KIF24: variants seen among roughly 807,000 people sequenced by gnomAD.
The protein encoded by KIF24 is kinesin family member 24, also known as kinesin-like protein KIF24.
Under a neutral mutation model 118.9 loss-of-function variants are expected in KIF24, and 81 were observed. The ratio of observed to expected loss-of-function variants is 0.68; its 90% CI spans 0.57 to 0.82. The LOEUF is 0.82. Ranked by LOEUF, KIF24 falls within the 40% of genes least tolerant of loss-of-function variation. KIF24 has a pLI of 0.00. For missense variants in KIF24, 1,560 were observed against 1,661.6 expected (o/e 0.94, Z 1.06); for synonymous variants, 599 against 610.0 (o/e 0.98, Z 0.27).
In KIF24 at chr9:34,269,245, T is replaced by A. The variant is rs1835408038; in HGVS notation, c.1443+12A>T. 3 of 1,514,440 alleles carry A rather than the reference T, an allele frequency of 2.0e-6. No individual in the cohort carries two copies. In the East Asian group the frequency reaches 6.9e-5, roughly 35 times the overall value. The allele number at this position is 1,514,440 out of a possible 1,614,324, so 93.8% of individuals were successfully genotyped here. On this transcript the variant is annotated intron_variant, in intron 8 of 12. Transcript: ENST00000402558. ...AGAAGGATTTTTAGATTAAAGATTT[T>A]GAACAACTTACAGCCAGTAGACTCT...
At chr9:34,308,714 G>A (rs1038316148) in intron 2 of KIF24, among the ~76,000 whole-genome samples, 4 of 152,154 alleles carry the variant, frequency 2.6e-5, no homozygotes, top group African/African-American at 7.2e-5. Flanking sequence ...AGGGCTCTAG[G>A]ATGACTCATA....
At chr9:34,333,437 G>A (rs1270144660), upstream of KIF24, among the ~76,000 whole-genome samples, 1 of 151,948 alleles carries the variant, frequency 6.6e-6, no homozygotes. Context: ...GACTAGCTTG[G>A]TCAGCATAGC....
At chr9:34,301,868 G>A (rs1216010026) in intron 3 of KIF24, among the ~76,000 whole-genome samples, 1 of 151,492 alleles carries the variant, frequency 6.6e-6, no homozygotes, top group African/African-American at 2.4e-5. Flanking sequence ...TTACAATAGA[G>A]AACAAAATAT....
intron 2 of KIF24, among the ~76,000 whole-genome samples, chr9:34,310,423 A>G (rs1482621179): frequency 6.6e-6 from 1 of 152,144 alleles, no homozygotes; most frequent in African/African-American, 2.4e-5. Context: ...GATGTACTAG[A>G]TGTATCATGT....
At chr9:34,332,999 T>A (rs1837987911), upstream of KIF24, among the ~76,000 whole-genome samples, 1 of 152,116 alleles carries the variant, frequency 6.6e-6, no homozygotes, top group Admixed American at 6.5e-5. Context: ...CACATAGAAT[T>A]GCAGTCACAT....
At chr9:34,333,142 G>A (rs186509770), upstream of KIF24, among the ~76,000 whole-genome samples, 1 of 152,288 alleles carries the variant, frequency 6.6e-6, no homozygotes, top group East Asian at 1.9e-4. Flanking sequence ...CCAGAAAAGA[G>A]CAGAGGAGGC....
At chr9:34,320,332 CAA>C (rs66835823) in intron 1 of KIF24, among the ~76,000 whole-genome samples, 51 of 106,262 alleles carry the variant, frequency 4.8e-4, no homozygotes, top group African/African-American at 5.6e-4. Context: ...AATGTTCCAA[CAA>C]AAAAAAAAAA....
intron 1 of KIF24, among the ~76,000 whole-genome samples, chr9:34,320,344 A>G (rs1837475290): frequency 6.6e-6 from 1 of 151,476 alleles, no homozygotes; most frequent in Non-Finnish European, 1.5e-5. Flanking sequence ...AAAAAAAAAA[A>G]AAAAGAAAAA....
intron 1 of KIF24, among the ~76,000 whole-genome samples, chr9:34,325,225 G>T (rs1312998994): frequency 6.6e-6 from 1 of 151,246 alleles, no homozygotes; most frequent in Non-Finnish European, 1.5e-5. Context: ...CACACCTGTG[G>T]TCCCAGCTAC....
chr9:34,320,180 C>T (rs935762940), intron 1 of KIF24, among the ~76,000 whole-genome samples: 1 of 152,090 alleles, frequency 6.6e-6, no homozygotes, highest in East Asian at 1.9e-4. Flanking sequence ...GGCTTCTGGG[C>T]AGACTCTGGT....
chr9:34,329,870 C>T (rs1338445700), upstream of KIF24, among the ~76,000 whole-genome samples: 1 of 152,150 alleles, frequency 6.6e-6, no homozygotes, highest in Non-Finnish European at 1.5e-5. Context: ...TCGTCCAAAT[C>T]CCAGAGGCGG....
At chr9:34,308,767 C>A (rs74504714) in intron 2 of KIF24, among the ~76,000 whole-genome samples, 6,982 of 152,148 alleles carry the variant, frequency 0.046, 578 homozygotes, top group African/African-American at 0.16. Flanking sequence ...AGCAAAAAGA[C>A]ATGCATGTTT....
chr9:34,318,458 A>C lies in KIF24; in HGVS notation c.-25-7087T>G. 2.7e-6 allele frequency: 2 copies of C among 743,430 alleles called. No individual in the cohort carries two copies. The highest frequency in any genetic ancestry group is 4.7e-6 in the Non-Finnish European group (2 of 421,554). The allele number at this position is 743,430 out of a possible 1,614,324, so 46.1% of individuals were successfully genotyped here. A position where few individuals can be genotyped will look rare whatever the true frequency, so the allele number is the denominator to read the frequency against. ...CTGCCTCCTGGCGGTGGCCTTGGCG[A>C]CCGAGGTGAAGAAACCTGCAGCCAC... On this transcript the variant is annotated intron_variant, in intron 1 of 12. Transcript: ENST00000402558. The surrounding 1 kb of genome is among the most constrained non-coding windows in gnomAD (Gnocchi z 4.9).
At chr9:34,276,340 TG>T (rs1443623548) in intron 6 of KIF24, among the ~76,000 whole-genome samples, 1 of 148,208 alleles carries the variant, frequency 6.7e-6, no homozygotes, top group Non-Finnish European at 1.5e-5. Context: ...AGGCGGAGGT[TG>T]CAGTGAGCTG....
chr9:34,260,021 G>A (rs1232904555), intron 9 of KIF24, among the ~76,000 whole-genome samples: 4 of 152,118 alleles, frequency 2.6e-5, no homozygotes, highest in Non-Finnish European at 4.4e-5. Context: ...ACCATGAACT[G>A]GACAAGCTTT....
At position 34,292,905 on chromosome 9, in the gene KIF24, C is replaced by T. The variant is rs566761946; in HGVS notation, c.912-2516G>A. The stretch of plus-strand genomic sequence containing the variant: ...TTTAGGGATGAGCTTTTTCAAAAAG[C>T]AACAATACAGGAGTGAAAAACCCTA... On this transcript the variant is annotated intron_variant, in intron 4 of 12. Coordinates refer to ENST00000402558, the MANE Select transcript of KIF24 (RefSeq NM_194313.4). Among the ~76,000 whole-genome samples the T allele has an allele frequency of 3.0e-3, 454 of 152,144 alleles. 1 individual carries two copies. The highest frequency in any genetic ancestry group is 4.4e-3 in the Admixed American group (67 of 15,288).
chr9:34,262,109 T>C (rs1344034911), intron 9 of KIF24, among the ~76,000 whole-genome samples: 1 of 151,964 alleles, frequency 6.6e-6, no homozygotes, highest in Admixed American at 6.6e-5. Context: ...ACCCAGTTAA[T>C]TTTTAAATTT....
chr9:34,304,609 A>C (rs1836843887), intron 3 of KIF24, among the ~76,000 whole-genome samples: 1 of 152,164 alleles, frequency 6.6e-6, no homozygotes, highest in Non-Finnish European at 1.5e-5. Context: ...TTCAAAATAA[A>C]TATCTCCCAC....
chr9:34,331,627 A>G (rs776458977), upstream of KIF24, among the ~76,000 whole-genome samples: 6 of 152,340 alleles, frequency 3.9e-5, no homozygotes, highest in East Asian at 1.9e-4. Context: ...ATCTTGCTCT[A>G]ATAGAAAATT....
Sources: gnomAD v4.1 joint callset for allele counts (sites outside exome capture counted in the v4.1 genomes callset) on GRCh38, gnomAD v4.1.1 for gene constraint, Gnocchi (gnomAD v3.1) non-coding constraint, MANE v1.5 for transcripts, NCBI Gene and HGNC (gene_info 2026-07-23, HGNC 2026-07-21) for gene names.